Variants in GAK observed in about 807,000 individuals in gnomAD.
The protein encoded by GAK is cyclin G associated kinase, also known as cyclin-G-associated kinase.
A neutral mutation model predicts 143.9 loss-of-function variants in GAK; 79 were observed. The observed-to-expected ratio is 0.55, with a 90% CI of 0.46 to 0.66. The LOEUF (loss-of-function observed/expected upper bound fraction) is 0.66. GAK is among the 30% of genes least tolerant of loss of function. The probability of loss-of-function intolerance (pLI) is 0.00; values close to 1 mark genes in which losing one functional copy is unlikely to be tolerated. For synonymous variants in GAK, 881 were observed against 765.5 expected (o/e 1.15, Z -2.49); for missense variants, 1,693 against 1,779.7 (o/e 0.95, Z 0.88).
rs1309113620 is a variant in GAK at position 893,372 on chromosome 4, C to T, written c.990+5G>A. The T allele has an allele frequency of 2.6e-6, 4 of 1,556,584 alleles. No individual in the cohort carries two copies. Among genetic ancestry groups the T allele is most frequent in the Non-Finnish European group, 3.5e-6 (4 of 1,150,216 alleles). ...GGATTTGGGGCTCACGTGTGCCTCCCTCACCTCTGTGATGGGAGACTTGGG... is the reference window on the plus strand; with the variant it reads ...GGATTTGGGGCTCACGTGTGCCTCCTTCACCTCTGTGATGGGAGACTTGGG... On this transcript the variant is annotated splice_donor_5th_base_variant and intron_variant, in intron 9 of 27. Coordinates refer to ENST00000314167, the MANE Select transcript of GAK (RefSeq NM_005255.4).
Position 877,817 on chromosome 4 carries a change from C to A in GAK, c.1662-8G>T. 1 of 1,570,454 alleles carries A rather than the reference C, an allele frequency of 6.4e-7. No homozygotes were observed. Among genetic ancestry groups the A allele is most frequent in the South Asian group, 1.2e-5 (1 of 86,546 alleles). The stretch of plus-strand genomic sequence containing the variant: ...CACATGTACTCGATGTACCTGGGGG[C>A]AGACGTGCCGCGTCACCACGTGACG... On this transcript the variant is annotated splice_polypyrimidine_tract_variant and splice_region_variant and intron_variant, in intron 15 of 27. Transcript: ENST00000314167.
In GAK at chr4:919,766, G is replaced by A. The variant is rs150247982; in HGVS notation, c.146-6098C>T. Among the ~76,000 whole-genome samples the A allele has an allele frequency of 3.0e-3, 463 of 152,292 alleles. 2 individuals carry two copies. The highest frequency in any genetic ancestry group is 0.011 in the African/African-American group (438 of 41,552). The stretch of plus-strand genomic sequence containing the variant: ...CACACTACTCGGATACCTGTTTACC[G>A]TCTGTCTCAGCTAGACTACAAACAC... On this transcript the variant is annotated intron_variant, in intron 1 of 27. Transcript: ENST00000314167.
chr4:910,764 C>T (rs1489796150), intron 4 of GAK, among the ~76,000 whole-genome samples: 1 of 91,628 alleles, frequency 1.1e-5, no homozygotes, highest in Non-Finnish European at 2.6e-5. Context: ...GGGACAGACG[C>T]AGGGGTCACT....
intron 26 of GAK, 176 bp from the exon 27 acceptor site, chr4:850,244 G>A (rs574383719): frequency 6.3e-5 from 35 of 554,352 alleles, no homozygotes; most frequent in African/African-American, 4.2e-4. Context: ...AGCCCACTCC[G>A]GACGACACAG....
intron 18 of GAK, among the ~76,000 whole-genome samples, chr4:874,174 T>C (rs1388358465): frequency 1.3e-5 from 2 of 151,918 alleles, no homozygotes; most frequent in Admixed American, 1.3e-4. Context: ...CACACGTGTG[T>C]TGGTGCTCCT....
chr4:908,387 A>G (rs767100125), intron 4 of GAK, among the ~76,000 whole-genome samples: 2 of 152,172 alleles, frequency 1.3e-5, no homozygotes, highest in Non-Finnish European at 2.9e-5. Flanking sequence ...AAGAGGCCTG[A>G]GCAGGGTGCT....
intron 24 of GAK, 197 bp from the exon 25 acceptor site, chr4:852,171 T>C (rs1748283996): frequency 1.6e-6 from 1 of 623,892 alleles, no homozygotes; most frequent in Non-Finnish European, 2.9e-6. Context: ...GGCCAGGTGC[T>C]GGGGCGACGG....
chr4:877,570 G>A (rs777181467), intron 16 of GAK, 45 bp downstream of exon 16: 8 of 1,515,482 alleles, frequency 5.3e-6, no homozygotes, highest in South Asian at 1.3e-5. Context: ...TTTTCCGGAG[G>A]GGTGAGGAGG....
chr4:878,338 T>C (rs1012944593), intron 15 of GAK, among the ~76,000 whole-genome samples: 31 of 151,416 alleles, frequency 2.0e-4, no homozygotes, highest in African/African-American at 6.0e-4. Context: ...TTAGAGAGTT[T>C]TCCAGATATT....
intron 23 of GAK, among the ~76,000 whole-genome samples, chr4:862,364 T>A (rs922265845): frequency 1.3e-5 from 2 of 151,946 alleles, no homozygotes; most frequent in Non-Finnish European, 2.9e-5. Flanking sequence ...CTAAGTCATC[T>A]GCTAAGATCC....
intron 18 of GAK, among the ~76,000 whole-genome samples, chr4:876,063 C>CA (rs1037071790): frequency 3.2e-4 from 49 of 151,950 alleles, no homozygotes; most frequent in African/African-American, 1.1e-3. Context: ...GCACCAACGT[C>CA]AAGAGGACAG....
At chr4:886,914 G>A (rs1716451610) in intron 11 of GAK, 1 of 152,354 alleles carries the variant, frequency 6.6e-6, no homozygotes, top group African/African-American at 2.4e-5. Context: ...CCCACTAAGA[G>A]CAGGTTTCTT....
chr4:879,368 C>T (rs991712217), intron 15 of GAK, among the ~76,000 whole-genome samples: 2 of 152,250 alleles, frequency 1.3e-5, no homozygotes, highest in African/African-American at 2.4e-5. Context: ...AATCTACCAT[C>T]TTGCTGGCTG....
intron 9 of GAK, among the ~76,000 whole-genome samples, chr4:891,342 G>A (rs1418991957): frequency 6.6e-6 from 1 of 151,126 alleles, no homozygotes; most frequent in African/African-American, 2.4e-5. Flanking sequence ...TGGGCTCACT[G>A]CAGCCTCCAC....
intron 2 of GAK, 82 bp from the exon 3 acceptor site, chr4:912,876 C>T (rs1034143572): frequency 1.2e-5 from 14 of 1,193,278 alleles, no homozygotes; most frequent in Middle Eastern, 3.8e-4. Context: ...CAGACATAAG[C>T]ACGCAACAGA....
intron 1 of GAK, among the ~76,000 whole-genome samples, chr4:917,679 G>A (rs967738768): frequency 1.3e-5 from 2 of 152,258 alleles, no homozygotes; most frequent in East Asian, 1.9e-4. Context: ...AGACCGTGGC[G>A]CTGACGCACA....
At chr4:865,627 C>CA (rs1751038645) in intron 22 of GAK, among the ~76,000 whole-genome samples, 1 of 152,366 alleles carries the variant, frequency 6.6e-6, no homozygotes, top group South Asian at 2.1e-4. Context: ...CTTCGGCAGA[C>CA]AGAGGGCCCA....
chr4:901,095 G>A (rs1221548843), intron 5 of GAK, among the ~76,000 whole-genome samples: 1 of 152,248 alleles, frequency 6.6e-6, no homozygotes, highest in Non-Finnish European at 1.5e-5. Context: ...TATAAAGTAG[G>A]AGTGTACAGC....
At chr4:856,273 T>C (rs1749140608) in intron 24 of GAK, among the ~76,000 whole-genome samples, 1 of 123,946 alleles carries the variant, frequency 8.1e-6, no homozygotes, top group Admixed American at 8.2e-5. Context: ...TCACAACTGC[T>C]CACACCTCAC....
Sources: allele counts gnomAD v4.1 joint callset (sites outside exome capture counted in the v4.1 genomes callset), GRCh38; gene constraint gnomAD v4.1.1; transcripts MANE v1.5; gene names NCBI Gene and HGNC (gene_info 2026-07-23, HGNC 2026-07-21).